The following SLC44A1 variants were observed in gnomAD, a reference collection of about 807,000 sequenced individuals.
The protein encoded by SLC44A1 is choline transporter-like protein 1.
In SLC44A1, 26 loss-of-function variants were observed where a neutral mutation model predicts 79.3. That is an observed-to-expected ratio of 0.33 (90% CI 0.24 to 0.46). The LOEUF (loss-of-function observed/expected upper bound fraction) is 0.46, where lower values mean the gene tolerates loss of function less well. Ranked by LOEUF, SLC44A1 falls within the 20% of genes least tolerant of loss-of-function variation. The pLI, the probability that SLC44A1 is intolerant of heterozygous loss-of-function variation, is 1.00. For missense variants in SLC44A1, 688 were observed against 798.1 expected (o/e 0.86, Z 1.66); for synonymous variants, 263 against 286.2 (o/e 0.92, Z 0.82).
intron 8 of SLC44A1, among the ~76,000 whole-genome samples, chr9:105,362,064 G>GCA (rs1178978857): frequency 6.6e-6 from 1 of 151,740 alleles, no homozygotes; most frequent in Non-Finnish European, 1.5e-5. Context: ...GTGTGTGTGC[G>GCA]CGCGCGCGCG....
intron 1 of SLC44A1, among the ~76,000 whole-genome samples, chr9:105,272,053 C>A (rs934053662): frequency 6.6e-6 from 1 of 151,984 alleles, no homozygotes; most frequent in Admixed American, 6.5e-5. Context: ...TTTATTTTTT[C>A]CTCATCTTCA....
At chr9:105,308,577 G>T (rs73510299) in intron 2 of SLC44A1, among the ~76,000 whole-genome samples, 29 of 152,258 alleles carry the variant, frequency 1.9e-4, no homozygotes, top group African/African-American at 6.5e-4. Flanking sequence ...AACACAGTTT[G>T]TTTGCCTTTT....
chr9:105,336,825 C>G (rs1826939666), intron 4 of SLC44A1, among the ~76,000 whole-genome samples: 1 of 152,162 alleles, frequency 6.6e-6, no homozygotes, highest in South Asian at 2.1e-4. Flanking sequence ...CATAGGATAA[C>G]ATGGGTTGAT....
At chr9:105,348,239 T>A in intron 4 of SLC44A1, 119 bp from the exon 5 acceptor site, 1 of 578,724 alleles carries the variant, frequency 1.7e-6, no homozygotes, top group Non-Finnish European at 3.1e-6. Flanking sequence ...CAAATCAGAT[T>A]TTTATGAATT....
chr9:105,251,746 C>G (rs1354912598), intron 1 of SLC44A1, among the ~76,000 whole-genome samples: 3 of 152,152 alleles, frequency 2.0e-5, no homozygotes, highest in Non-Finnish European at 4.4e-5. Flanking sequence ...TTGCTTTGCT[C>G]CCTGGCTTTT....
chr9:105,273,478 C>A (rs1042340863), intron 1 of SLC44A1, among the ~76,000 whole-genome samples: 8 of 152,024 alleles, frequency 5.3e-5, no homozygotes, highest in Admixed American at 3.3e-4. Context: ...TGTATTTTTC[C>A]TTTTTTGCTT....
Position 105,391,477 on chromosome 9 carries a change from T to G in SLC44A1, c.*2421T>G, listed in dbSNP as rs570132123. The stretch of plus-strand genomic sequence containing the variant: ...AAATTAATTGCCAGGCTGTTTTCCT[T>G]AAGTAAATTCATGTGCCGTGTAGAA... On this transcript the variant is annotated 3_prime_UTR_variant, in exon 16 of 16. Coordinates refer to ENST00000374720, the MANE Select transcript of SLC44A1 (RefSeq NM_080546.5). 2 of 985,628 alleles carry G rather than the reference T, an allele frequency of 2.0e-6. No homozygotes were observed. The highest frequency in any genetic ancestry group is 2.4e-6 in the Non-Finnish European group (2 of 829,872). The allele number at this position is 985,628 out of a possible 1,614,324, so 61.1% of individuals were successfully genotyped here. A position where few individuals can be genotyped will look rare whatever the true frequency, so the allele number is the denominator to read the frequency against.
chr9:105,417,232 C>G (rs1564057396), intron 15 of SLC44A1, among the ~76,000 whole-genome samples: 2 of 152,116 alleles, frequency 1.3e-5, no homozygotes, highest in Non-Finnish European at 2.9e-5. Flanking sequence ...TGAAATAAAC[C>G]AATTCATTGT....
chr9:105,370,198 A>C lies in SLC44A1; in HGVS notation c.1494+3769A>C, dbSNP rs1360512225. ...ACAAAGGACTCCGAAATTCTTAAGA[A>C]CTTAAGCAAGAATTATTTTAGACTA... On this transcript the variant is annotated intron_variant, in intron 12 of 15. Coordinates refer to ENST00000374720, the MANE Select transcript of SLC44A1 (RefSeq NM_080546.5). Among the ~76,000 whole-genome samples the C allele has an allele frequency of 2.0e-5, 3 of 152,220 alleles. No homozygotes were observed. In the South Asian group the frequency reaches 6.2e-4, roughly 32 times the overall value.
chr9:105,414,725 A>C (rs1292541251), intron 15 of SLC44A1, among the ~76,000 whole-genome samples: 1 of 152,172 alleles, frequency 6.6e-6, no homozygotes. Flanking sequence ...TGAGCCCAGG[A>C]GTTCTAGGCT....
chr9:105,332,118 CT>C (rs34173274), intron 3 of SLC44A1, among the ~76,000 whole-genome samples: 11,034 of 128,074 alleles, frequency 0.086, 371 homozygotes, highest in African/African-American at 0.19. Flanking sequence ...TTCTTTGTTT[CT>C]TTTTTTTTTT....
Position 105,391,968 on chromosome 9 carries a change from G to A in SLC44A1, c.*2912G>A. The stretch of plus-strand genomic sequence containing the variant: ...TGGTTTTTGCCATCAGATAATTAAG[G>A]CTCTGGTGCATAATTTAGACTTTCT... On this transcript the variant is annotated 3_prime_UTR_variant, in exon 16 of 16. Coordinates refer to ENST00000374720, the MANE Select transcript of SLC44A1 (RefSeq NM_080546.5). The A allele has an allele frequency of 1.0e-6, 1 of 985,258 alleles. No homozygotes were observed. The highest frequency in any genetic ancestry group is 1.2e-6 in the Non-Finnish European group (1 of 829,874). 61.0% of individuals were successfully genotyped at this position (985,258 alleles called of 1,614,324 possible).
At chr9:105,307,662 GT>G (rs1466506623) in intron 2 of SLC44A1, among the ~76,000 whole-genome samples, 4 of 149,800 alleles carry the variant, frequency 2.7e-5, no homozygotes, top group Non-Finnish European at 5.9e-5. Flanking sequence ...AAAAAAAAAT[GT>G]GTTGGAAAGG....
intron 15 of SLC44A1, among the ~76,000 whole-genome samples, chr9:105,427,642 T>G (rs987282487): frequency 2.3e-4 from 35 of 152,314 alleles, no homozygotes; most frequent in African/African-American, 8.4e-4. Flanking sequence ...AATCTTTTTA[T>G]TATAGAGATA....
chr9:105,378,635 T>C (rs1828368304), intron 13 of SLC44A1, among the ~76,000 whole-genome samples: 1 of 152,114 alleles, frequency 6.6e-6, no homozygotes, highest in East Asian at 1.9e-4. Flanking sequence ...AAATACATTT[T>C]TTTAATTGAG....
intron 12 of SLC44A1, among the ~76,000 whole-genome samples, chr9:105,372,362 C>G (rs1828129518): frequency 6.6e-6 from 1 of 152,058 alleles, no homozygotes. Flanking sequence ...GATCTCAGCT[C>G]ACTGCAACCT....
intron 15 of SLC44A1, among the ~76,000 whole-genome samples, chr9:105,428,778 C>G (rs1402829265): frequency 1.3e-5 from 2 of 152,224 alleles, no homozygotes; most frequent in African/African-American, 4.8e-5. Flanking sequence ...CGGCGCCCTA[C>G]AGCCTCCGCC....
At chr9:105,288,408 G>T (rs1400990405) in intron 1 of SLC44A1, among the ~76,000 whole-genome samples, 3 of 152,244 alleles carry the variant, frequency 2.0e-5, no homozygotes, top group East Asian at 1.9e-4. Context: ...GGGTGCGGTG[G>T]CATGATTACG....
intron 1 of SLC44A1, among the ~76,000 whole-genome samples, chr9:105,259,392 G>T (rs368863757): frequency 6.6e-6 from 1 of 152,176 alleles, no homozygotes; most frequent in Non-Finnish European, 1.5e-5. Flanking sequence ...TGCCAACAAG[G>T]CTCTGGAGAG....
Sources: allele counts gnomAD v4.1 joint callset (sites outside exome capture counted in the v4.1 genomes callset), GRCh38; gene constraint gnomAD v4.1.1; transcripts MANE v1.5; gene names NCBI Gene and HGNC (gene_info 2026-07-23, HGNC 2026-07-21).